Variants in PSD3 observed in about 807,000 individuals in gnomAD.
The protein encoded by PSD3 is pleckstrin and Sec7 domain containing 3.
PSD3 carries 49 observed loss-of-function variants against 105.5 expected under a neutral mutation model. The ratio of observed to expected loss-of-function variants is 0.46; its 90% CI spans 0.37 to 0.59. The LOEUF is 0.59. Among genes scored for constraint, PSD3 ranks in the 20% least tolerant of loss-of-function variants. The probability of loss-of-function intolerance (pLI) is 0.00; values close to 1 mark genes in which losing one functional copy is unlikely to be tolerated. For missense variants in PSD3, 1,561 were observed against 1,263.8 expected (o/e 1.24, Z -3.57); for synonymous variants, 557 against 457.8 (o/e 1.22, Z -2.77).
At chr8:18,635,107 A>T (rs1807161207) in intron 10 of PSD3, among the ~76,000 whole-genome samples, 1 of 152,076 alleles carries the variant, frequency 6.6e-6, no homozygotes, top group Non-Finnish European at 1.5e-5. Flanking sequence ...TGTTGCTTAA[A>T]TTTTTGCAGC....
intron 4 of PSD3, among the ~76,000 whole-genome samples, chr8:18,827,323 C>G (rs955364098): frequency 6.6e-6 from 1 of 152,136 alleles, no homozygotes; most frequent in Admixed American, 6.5e-5. Context: ...AAAGTTTTCC[C>G]AGCACCAGGG....
intron 9 of PSD3, among the ~76,000 whole-genome samples, chr8:18,750,456 G>C (rs1805382084): frequency 6.6e-6 from 1 of 152,178 alleles, no homozygotes; most frequent in South Asian, 2.1e-4. Context: ...GCTCAGGAGT[G>C]AAGCTGCAGA....
At chr8:19,014,906 G>C (rs1458097380), upstream of PSD3, among the ~76,000 whole-genome samples, 1 of 152,210 alleles carries the variant, frequency 6.6e-6, no homozygotes, top group Non-Finnish European at 1.5e-5. This position sits in a 1 kb window ranked among gnomAD's most constrained non-coding sequence, Gnocchi z 4.9. Flanking sequence ...GCATGAGGGA[G>C]TGTATGCCTT....
chr8:18,623,436 C>T (rs1358392612), intron 11 of PSD3, among the ~76,000 whole-genome samples: 3 of 140,720 alleles, frequency 2.1e-5, no homozygotes, highest in Non-Finnish European at 3.1e-5. Context: ...ATATAGTCAG[C>T]CCCCGTCTCC....
Position 18,871,621 on chromosome 8 carries a change from C to A in PSD3, c.1238+5G>T. 1 of 1,591,566 alleles carries A rather than the reference C, an allele frequency of 6.3e-7. No homozygotes were observed. Among genetic ancestry groups the A allele is most frequent in the Non-Finnish European group, 8.6e-7 (1 of 1,169,556 alleles). Reference sequence around the variant, plus strand: ...TGAGACAGCAGGGCTACTATGGGAGCTCACCTTTCCCTGTCTCTCTCTGGT... The same window carrying A: ...TGAGACAGCAGGGCTACTATGGGAGATCACCTTTCCCTGTCTCTCTCTGGT... On this transcript the variant is annotated splice_donor_5th_base_variant and intron_variant, in intron 3 of 15. Transcript: ENST00000327040.
chr8:18,784,456 A>G (rs1385031011), intron 8 of PSD3, among the ~76,000 whole-genome samples: 2 of 152,214 alleles, frequency 1.3e-5, no homozygotes, highest in African/African-American at 4.8e-5. Flanking sequence ...TAATTCAATT[A>G]TAATACTATG....
chr8:18,922,152 C>T (rs1366484440), intron 2 of PSD3, among the ~76,000 whole-genome samples: 1 of 152,144 alleles, frequency 6.6e-6, no homozygotes, highest in Non-Finnish European at 1.5e-5. Flanking sequence ...TAAAAACATA[C>T]TTTGTGAGTC....
chr8:18,790,689 T>A (rs1563271686), intron 8 of PSD3, among the ~76,000 whole-genome samples: 1 of 151,694 alleles, frequency 6.6e-6, no homozygotes, highest in Non-Finnish European at 1.5e-5. Context: ...AGAAAGAGTA[T>A]TGGTGAAAAT....
In PSD3 at chr8:18,867,874, G is replaced by C; in HGVS notation, c.1434C>G (p.Leu478=). ...PDSYFSFEMP[L]TPMIQQRIKE... is the part of the protein sequence containing the mutation. The stretch of plus-strand genomic sequence containing the variant: ...TAATGCGCTGTTGTATCATTGGAGT[G>C]AGGGGCATTTCAAAGCTAAAATAGC... The change falls in exon 4 of 16, where the codon CTC becomes CTG. Residue 478 remains leucine, a synonymous_variant. Coordinates refer to ENST00000327040, the MANE Select transcript of PSD3 (RefSeq NM_015310.4). 6.2e-7 allele frequency: 1 copy of C among 1,614,162 alleles called. No homozygotes were observed. The highest frequency in any genetic ancestry group is 8.5e-7 in the Non-Finnish European group (1 of 1,180,014).
intron 4 of PSD3, among the ~76,000 whole-genome samples, chr8:18,833,774 A>G (rs1047789595): frequency 2.0e-5 from 3 of 152,240 alleles, no homozygotes; most frequent in African/African-American, 7.2e-5. Flanking sequence ...CAATAAATTG[A>G]GAAAAAGAAA....
At chr8:18,879,963 T>C (rs760234244) in intron 2 of PSD3, among the ~76,000 whole-genome samples, 1 of 152,166 alleles carries the variant, frequency 6.6e-6, no homozygotes, top group Non-Finnish European at 1.5e-5. Flanking sequence ...AGAAGTGTTC[T>C]AGTTGTAGCT....
intron 11 of PSD3, among the ~76,000 whole-genome samples, chr8:18,618,515 T>C (rs1328401014): frequency 7.1e-6 from 1 of 140,564 alleles, no homozygotes; most frequent in African/African-American, 2.5e-5. Flanking sequence ...GCTGTATCTA[T>C]CATATTTTAC....
At chr8:18,674,310 G>C (rs959977410) in intron 9 of PSD3, among the ~76,000 whole-genome samples, 1 of 152,190 alleles carries the variant, frequency 6.6e-6, no homozygotes, top group African/African-American at 2.4e-5. Flanking sequence ...CCTTCCCTGC[G>C]TTCTGTGGGG....
chr8:18,974,074 T>G (rs1042446578), intron 1 of PSD3, among the ~76,000 whole-genome samples: 1 of 152,170 alleles, frequency 6.6e-6, no homozygotes, highest in African/African-American at 2.4e-5. Flanking sequence ...CATTTACCAA[T>G]AGAAAATCAC....
intron 2 of PSD3, among the ~76,000 whole-genome samples, chr8:18,921,051 G>C (rs1166088407): frequency 6.6e-6 from 1 of 152,138 alleles, no homozygotes; most frequent in African/African-American, 2.4e-5. Flanking sequence ...TACATGAATG[G>C]AATGACAGTT....
chr8:18,863,857 T>C (rs1419149565), intron 4 of PSD3, among the ~76,000 whole-genome samples: 4 of 152,178 alleles, frequency 2.6e-5, no homozygotes, highest in Non-Finnish European at 4.4e-5. Context: ...GGAAGAACAG[T>C]GTCCCTCTGG....
intron 1 of PSD3, among the ~76,000 whole-genome samples, chr8:19,058,506 A>G (rs1828783144): frequency 6.7e-6 from 1 of 149,288 alleles, no homozygotes; most frequent in Admixed American, 6.7e-5. Context: ...ATTTATATAC[A>G]TTTATATTAT....
chr8:19,020,427 C>T lies in PSD3; in HGVS notation c.324+63779G>A, dbSNP rs144140515. Among the ~76,000 whole-genome samples the T allele has an allele frequency of 3.5e-3, 525 of 152,088 alleles. 2 individuals are homozygous for T. Among genetic ancestry groups the T allele is most frequent in the African/African-American group, 0.012 (512 of 41,508 alleles). ...TAAGTGCAAAGGCCCTGAGGTCTTG[C>T]CTGGCGTGTTTTGAGCACAGCAAGG... On this transcript the variant is annotated intron_variant, in intron 1 of 1. Transcript: ENST00000521475.
intron 1 of PSD3, among the ~76,000 whole-genome samples, chr8:18,964,341 C>T (rs1392407740): frequency 6.6e-6 from 1 of 152,136 alleles, no homozygotes; most frequent in Non-Finnish European, 1.5e-5. Flanking sequence ...CCAAACTGGT[C>T]TCAAACTCAT....
Sources: gnomAD v4.1 joint callset for allele counts (sites outside exome capture counted in the v4.1 genomes callset) on GRCh38, gnomAD v4.1.1 for gene constraint, Gnocchi (gnomAD v3.1) non-coding constraint, MANE v1.5 for transcripts, NCBI Gene and HGNC (gene_info 2026-07-23, HGNC 2026-07-21) for gene names.